The following ANKS1B variants were observed in gnomAD, a reference collection of about 807,000 sequenced individuals.
The protein encoded by ANKS1B is ankyrin repeat and sterile alpha motif domain-containing protein 1B.
ANKS1B carries 36 observed loss-of-function variants against 148.3 expected under a neutral mutation model. That is an observed-to-expected ratio of 0.24 (90% CI 0.19 to 0.32). The LOEUF (loss-of-function observed/expected upper bound fraction) is 0.32. Among genes scored for constraint, ANKS1B ranks in the 10% least tolerant of loss-of-function variants. The pLI is 1.00. For synonymous variants in ANKS1B, 542 were observed against 560.8 expected (o/e 0.97, Z 0.47); for missense variants, 1,157 against 1,542.6 (o/e 0.75, Z 4.19).
At chr12:98,864,043 G>A (rs1193948927) in intron 17 of ANKS1B, among the ~76,000 whole-genome samples, 1 of 151,782 alleles carries the variant, frequency 6.6e-6, no homozygotes, top group Non-Finnish European at 1.5e-5. Context: ...AAGAGCTGGC[G>A]TTCTCTCCAA....
At chr12:98,938,453 T>C (rs2099824973) in intron 17 of ANKS1B, among the ~76,000 whole-genome samples, 3 of 152,220 alleles carry the variant, frequency 2.0e-5, no homozygotes, top group African/African-American at 7.2e-5. Context: ...GGGTCAGGCA[T>C]CTGTGGTTTT....
intron 9 of ANKS1B, among the ~76,000 whole-genome samples, chr12:99,650,464 A>G (rs2098411987): frequency 7.0e-6 from 1 of 143,026 alleles, no homozygotes; most frequent in Admixed American, 7.2e-5. Context: ...ACAAATTCTG[A>G]GTTTAATCAT....
chr12:99,587,230 C>G (rs2097651609), intron 9 of ANKS1B, among the ~76,000 whole-genome samples: 4 of 152,162 alleles, frequency 2.6e-5, no homozygotes, highest in Admixed American at 2.6e-4. Flanking sequence ...CATCATTTCA[C>G]TAGGATTACC....
chr12:98,874,052 C>A (rs1174047924), intron 17 of ANKS1B, among the ~76,000 whole-genome samples: 1 of 152,114 alleles, frequency 6.6e-6, no homozygotes, highest in Non-Finnish European at 1.5e-5. Flanking sequence ...TATCTGTCTG[C>A]CTCTTTTCAC....
intron 1 of ANKS1B, among the ~76,000 whole-genome samples, chr12:99,889,782 T>C (rs1191757269): frequency 6.6e-6 from 1 of 152,186 alleles, no homozygotes; most frequent in South Asian, 2.1e-4. Flanking sequence ...TACAATCTTT[T>C]TAAAATATTT....
intron 18 of ANKS1B, among the ~76,000 whole-genome samples, chr12:98,830,794 T>A (rs1004685677): frequency 6.6e-6 from 1 of 152,108 alleles, no homozygotes; most frequent in Non-Finnish European, 1.5e-5. Context: ...TGAACACCAG[T>A]GACTGCCGGC....
At chr12:99,116,310 G>A (rs1177781248) in intron 15 of ANKS1B, among the ~76,000 whole-genome samples, 1 of 152,200 alleles carries the variant, frequency 6.6e-6, no homozygotes, top group East Asian at 1.9e-4. Flanking sequence ...GCCTCAGGGT[G>A]TTGGCTCAGG....
At chr12:99,669,633 G>A (rs1248370101) in intron 8 of ANKS1B, among the ~76,000 whole-genome samples, 2 of 152,070 alleles carry the variant, frequency 1.3e-5, no homozygotes, top group Admixed American at 6.6e-5. Context: ...TGTATCTCCA[G>A]TATTGTTCTT....
chr12:99,818,695 A>G (rs2082159656), intron 2 of ANKS1B, among the ~76,000 whole-genome samples: 1 of 151,834 alleles, frequency 6.6e-6, no homozygotes, highest in African/African-American at 2.4e-5. Flanking sequence ...TTTCCCAAAA[A>G]CAAAGTAAAA....
chr12:99,948,615 G>C (rs541814380), intron 1 of ANKS1B, among the ~76,000 whole-genome samples: 1 of 152,164 alleles, frequency 6.6e-6, no homozygotes, highest in East Asian at 1.9e-4. Context: ...AGAGGCTGGA[G>C]TAGCTGACTC....
chr12:99,096,636 A>T (rs750959516), intron 15 of ANKS1B, among the ~76,000 whole-genome samples: 1 of 152,184 alleles, frequency 6.6e-6, no homozygotes, highest in African/African-American at 2.4e-5. Flanking sequence ...GAAAATTTGT[A>T]TCAGGGACAC....
At chr12:99,777,569 T>TTTTG (rs201144451) in intron 6 of ANKS1B, among the ~76,000 whole-genome samples, 9 of 152,106 alleles carry the variant, frequency 5.9e-5, no homozygotes, top group African/African-American at 1.4e-4. Context: ...AGTTTTGTTT[T>TTTTG]TTTGTTTGTT....
intron 22 of ANKS1B, among the ~76,000 whole-genome samples, chr12:98,797,224 G>C (rs2098957701): frequency 1.3e-5 from 2 of 152,312 alleles, no homozygotes; most frequent in South Asian, 2.1e-4. Flanking sequence ...AGTGTATCTA[G>C]TCTAATGTTC....
intron 1 of ANKS1B, among the ~76,000 whole-genome samples, chr12:99,846,193 G>T (rs531083501): frequency 4.0e-4 from 61 of 152,042 alleles, no homozygotes; most frequent in African/African-American, 1.4e-3. Flanking sequence ...GAGCAGCTTT[G>T]CCTTTTAATT....
chr12:99,916,901 T>C (rs370358419), intron 1 of ANKS1B, among the ~76,000 whole-genome samples: 3 of 152,166 alleles, frequency 2.0e-5, no homozygotes, highest in African/African-American at 7.2e-5. Context: ...AAAGTGAGAG[T>C]ACATATTTGG....
At position 99,914,051 on chromosome 12, in the gene ANKS1B, C is replaced by T. The variant is rs148723306; in HGVS notation, c.134+70053G>A. On this transcript the variant is annotated intron_variant, in intron 1 of 26. Coordinates refer to ENST00000683438, the MANE Select transcript of ANKS1B (RefSeq NM_001352186.2). ...TAGTCATGCTGATGCTGACAGCTTC[C>T]CACCTAAAGGACCCACAGTTCTTTC... Among the ~76,000 whole-genome samples the T allele has an allele frequency of 1.6e-3, 241 of 152,278 alleles. 2 individuals are homozygous for T. Among genetic ancestry groups the T allele is most frequent in the African/African-American group, 5.2e-3 (218 of 41,560 alleles).
At chr12:99,781,211 C>T (rs998069196) in intron 5 of ANKS1B, among the ~76,000 whole-genome samples, 9 of 152,098 alleles carry the variant, frequency 5.9e-5, no homozygotes, top group Non-Finnish European at 1.0e-4. Flanking sequence ...TTTGTTATAT[C>T]ACCACACTGC....
At chr12:99,731,703 A>G (rs1419554423) in intron 8 of ANKS1B, among the ~76,000 whole-genome samples, 1 of 152,176 alleles carries the variant, frequency 6.6e-6, no homozygotes, top group East Asian at 1.9e-4. Context: ...AAACTATTAA[A>G]CTTCTAGAAG....
chr12:99,761,458 C>CAATAGATA (rs1338764558), intron 8 of ANKS1B, among the ~76,000 whole-genome samples: 1 of 152,006 alleles, frequency 6.6e-6, no homozygotes, highest in Non-Finnish European at 1.5e-5. Context: ...ATGATCATCT[C>CAATAGATA]AATAGATGCA....
Sources: gnomAD v4.1 joint callset for allele counts (sites outside exome capture counted in the v4.1 genomes callset) on GRCh38, gnomAD v4.1.1 for gene constraint, MANE v1.5 for transcripts, NCBI Gene and HGNC (gene_info 2026-07-23, HGNC 2026-07-21) for gene names.